The following OTUD7A variants were observed in gnomAD, a reference collection of about 807,000 sequenced individuals.
The protein encoded by OTUD7A is OTU deubiquitinase 7A.
Under a neutral mutation model 65.7 loss-of-function variants are expected in OTUD7A, and 12 were observed. The observed-to-expected ratio is 0.18, with a 90% CI of 0.12 to 0.30. The LOEUF is 0.30. OTUD7A is among the 10% of genes least tolerant of loss of function. OTUD7A has a pLI of 1.00. For synonymous variants in OTUD7A, 641 were observed against 586.3 expected, an observed-to-expected ratio of 1.09 and a Z score of -1.35; for missense variants, 1,148 against 1,304.8, an observed-to-expected ratio of 0.88 and a Z score of 1.85.
chr15:31,736,190 T>C (rs1894187709), intron 1 of OTUD7A, among the ~76,000 whole-genome samples: 1 of 152,072 alleles, frequency 6.6e-6, no homozygotes, highest in African/African-American at 2.4e-5. Context: ...AACAAACATG[T>C]GCCCCTGAAC....
At chr15:31,533,185 C>CG (rs1209621393) in intron 5 of OTUD7A, among the ~76,000 whole-genome samples, 1 of 151,680 alleles carries the variant, frequency 6.6e-6, no homozygotes, top group Non-Finnish European at 1.5e-5. Context: ...ATTCTAAAGA[C>CG]AGTGCATTTC....
intron 3 of OTUD7A, among the ~76,000 whole-genome samples, chr15:31,619,086 G>A (rs984342915): frequency 1.9e-4 from 29 of 152,176 alleles, no homozygotes; most frequent in Non-Finnish European, 1.6e-4. Context: ...GATGGTTGTA[G>A]ATGTGTGGTA....
rs1371802243 is a variant in OTUD7A, at chr15:31,487,431, A to G, written c.1286+21T>C. ...AGCCCTCCCTGTGGGCGCTGGGGAA[A>G]GGGACAGAGTAGGATCTTACTGGGC... On this transcript the variant is annotated intron_variant, in intron 11 of 12. Transcript: ENST00000307050. The surrounding 1 kb of genome is among the most constrained non-coding windows in gnomAD (Gnocchi z 6.0). 6.2e-7 allele frequency: 1 copy of G among 1,611,096 alleles called. No homozygotes were observed. The highest frequency in any genetic ancestry group is 8.5e-7 in the Non-Finnish European group (1 of 1,178,022).
intron 1 of OTUD7A, among the ~76,000 whole-genome samples, chr15:31,698,276 T>C (rs1893129540): frequency 6.6e-6 from 1 of 152,220 alleles, no homozygotes; most frequent in Non-Finnish European, 1.5e-5. Context: ...TCCAACTTGG[T>C]CCCTTTTATT....
intron 3 of OTUD7A, among the ~76,000 whole-genome samples, chr15:31,634,077 G>T (rs992426430): frequency 6.6e-6 from 1 of 152,172 alleles, no homozygotes; most frequent in Non-Finnish European, 1.5e-5. Flanking sequence ...AGACTCAAGG[G>T]TGTCTAAGAG....
intron 1 of OTUD7A, among the ~76,000 whole-genome samples, chr15:31,865,497 G>A (rs1182504668): frequency 6.6e-6 from 1 of 152,192 alleles, no homozygotes; most frequent in Non-Finnish European, 1.5e-5. Flanking sequence ...AGGCTAACAG[G>A]CTAACCCTAA....
intron 3 of OTUD7A, among the ~76,000 whole-genome samples, chr15:31,630,745 G>A (rs1233868366): frequency 7.2e-5 from 11 of 152,138 alleles, no homozygotes; most frequent in Middle Eastern, 6.8e-3. Flanking sequence ...GGTCACTCAG[G>A]ACTTGCTTTA....
intron 1 of OTUD7A, among the ~76,000 whole-genome samples, chr15:31,799,711 C>T (rs1164284998): frequency 6.6e-6 from 1 of 152,124 alleles, no homozygotes. Flanking sequence ...TTGCATATAC[C>T]ACTCACTCTG....
intron 1 of OTUD7A, among the ~76,000 whole-genome samples, chr15:31,790,546 A>G (rs905426): frequency 0.66 from 101,180 of 152,176 alleles, 34,774 homozygotes; most frequent in South Asian, 0.8. Flanking sequence ...AGATGCCCTT[A>G]ACAGAGAAAA....
intron 1 of OTUD7A, among the ~76,000 whole-genome samples, chr15:31,733,609 A>G (rs1239733667): frequency 6.6e-6 from 1 of 152,188 alleles, no homozygotes; most frequent in Non-Finnish European, 1.5e-5. Context: ...AACAGAGATT[A>G]CATCTGTCTT....
At chr15:31,601,660 A>G (rs771952034) in intron 3 of OTUD7A, among the ~76,000 whole-genome samples, 7 of 152,206 alleles carry the variant, frequency 4.6e-5, no homozygotes, top group African/African-American at 1.4e-4. Flanking sequence ...AAAAAAATCA[A>G]TGAATCCAGG....
chr15:31,669,186 C>T (rs1200562424), intron 1 of OTUD7A, among the ~76,000 whole-genome samples: 4 of 152,168 alleles, frequency 2.6e-5, no homozygotes, highest in Non-Finnish European at 5.9e-5. Flanking sequence ...TGGAGAAGAA[C>T]CAGTGGTGGG....
chr15:31,721,394 TA>T (rs1893736558), intron 1 of OTUD7A, among the ~76,000 whole-genome samples: 1 of 151,458 alleles, frequency 6.6e-6, no homozygotes, highest in South Asian at 2.1e-4. Context: ...GTCCACACTG[TA>T]AACACACAGA....
chr15:31,528,396 A>G (rs1289532713), intron 6 of OTUD7A, among the ~76,000 whole-genome samples: 1 of 152,186 alleles, frequency 6.6e-6, no homozygotes, highest in African/African-American at 2.4e-5. Flanking sequence ...GATCGAGGAG[A>G]GAGGGAGAGT....
chr15:31,792,161 C>T (rs1895834518), intron 1 of OTUD7A, among the ~76,000 whole-genome samples: 1 of 152,196 alleles, frequency 6.6e-6, no homozygotes, highest in South Asian at 2.1e-4. Flanking sequence ...ATCCAGAACA[C>T]ATCTCAAATC....
intron 1 of OTUD7A, among the ~76,000 whole-genome samples, chr15:31,733,161 T>C (rs1429140662): frequency 1.3e-5 from 2 of 152,162 alleles, no homozygotes; most frequent in African/African-American, 4.8e-5. Context: ...CTCCATTTCC[T>C]TACATCTTAA....
At chr15:31,862,246 G>A (rs1897761254) in intron 1 of OTUD7A, among the ~76,000 whole-genome samples, 1 of 152,190 alleles carries the variant, frequency 6.6e-6, no homozygotes, top group Non-Finnish European at 1.5e-5. Context: ...AGTACGTTCT[G>A]TAATGATCCT....
chr15:31,527,045 C>T, intron 7 of OTUD7A, 136 bp downstream of exon 7: 1 of 1,329,578 alleles, frequency 7.5e-7, no homozygotes, highest in Non-Finnish European at 1.0e-6. Context: ...AGGAGACTTT[C>T]CTGATCCCAG....
intron 1 of OTUD7A, among the ~76,000 whole-genome samples, chr15:31,843,678 T>C (rs4779929): frequency 0.94 from 142,451 of 152,200 alleles, 67,390 homozygotes; most frequent in East Asian, 1. Context: ...TTGTTTTTGG[T>C]CTGTTTTGTT....
Sources: gnomAD v4.1 joint callset for allele counts (sites outside exome capture counted in the v4.1 genomes callset) on GRCh38, gnomAD v4.1.1 for gene constraint, Gnocchi (gnomAD v3.1) non-coding constraint, MANE v1.5 for transcripts, NCBI Gene and HGNC (gene_info 2026-07-23, HGNC 2026-07-21) for gene names.